FCHSD2: variants seen among roughly 807,000 people sequenced by gnomAD.
The protein encoded by FCHSD2 is F-BAR and double SH3 domains protein 2.
Under a neutral mutation model 108.1 loss-of-function variants are expected in FCHSD2, and 38 were observed. The ratio of observed to expected loss-of-function variants is 0.35; its 90% confidence interval spans 0.27 to 0.46. The LOEUF (loss-of-function observed/expected upper bound fraction) is 0.46. Among genes scored for constraint, FCHSD2 ranks in the 20% least tolerant of loss-of-function variants. The probability of loss-of-function intolerance (pLI) is 1.00; values close to 1 mark genes in which losing one functional copy is unlikely to be tolerated. For synonymous variants in FCHSD2, 279 were observed against 314.7 expected, an observed-to-expected ratio of 0.89 and a Z score of 1.20; for missense variants, 751 against 897.8, an observed-to-expected ratio of 0.84 and a Z score of 2.09.
intron 19 of FCHSD2, among the ~76,000 whole-genome samples, chr11:72,840,087 C>T (rs1363692755): frequency 6.6e-6 from 1 of 152,200 alleles, no homozygotes; most frequent in Non-Finnish European, 1.5e-5. Flanking sequence ...GATGCTGCTC[C>T]AGCCTCCTAA....
chr11:72,999,066 C>T (rs1202913816), intron 5 of FCHSD2, among the ~76,000 whole-genome samples: 1 of 152,186 alleles, frequency 6.6e-6, no homozygotes, highest in Non-Finnish European at 1.5e-5. Flanking sequence ...CTAATACCAT[C>T]ATTTGAACCC....
intron 8 of FCHSD2, chr11:72,941,062 C>G: frequency 1.5e-6 from 1 of 648,938 alleles, no homozygotes; most frequent in Non-Finnish European, 2.8e-6. Flanking sequence ...TGGTTCTTGC[C>G]GGGCAGCTTA....
intron 8 of FCHSD2, among the ~76,000 whole-genome samples, chr11:72,934,930 A>T (rs1158970674): frequency 1.3e-5 from 2 of 152,298 alleles, no homozygotes; most frequent in East Asian, 3.9e-4. Context: ...ATTTTTAAAC[A>T]ATTGAATTTG....
At chr11:72,849,939 G>T (rs762219752) in intron 13 of FCHSD2, 50 bp from the exon 14 acceptor site, 16 of 1,501,466 alleles carry the variant, frequency 1.1e-5, no homozygotes, top group Admixed American at 1.9e-5. Context: ...CAAGAAAATG[G>T]TTGAAAGCCG....
At chr11:73,071,100 TA>T (rs913554753) in intron 3 of FCHSD2, among the ~76,000 whole-genome samples, 3 of 152,190 alleles carry the variant, frequency 2.0e-5, no homozygotes, top group Non-Finnish European at 4.4e-5. Context: ...AAAGATGGTC[TA>T]CCAATTATTT....
In FCHSD2 at chr11:72,984,165, C is replaced by G; in HGVS notation, c.628G>C (p.Asp210His). Residue 210 changes from aspartate to histidine, a missense_variant, in exon 8 of 20, where the codon GAT becomes CAT. Asp to His is a moderately conservative substitution (Grantham distance 81). Transcript: ENST00000409418. ...CNSKATHARN[D>H]YLLTLAAANA... ...GCTGCCGCTAGGGTAAGAAGATAAT[C>G]ATTCCTTGCGTGGGTAGCTTTGGAA... 1 of 1,613,418 alleles carries G rather than the reference C, an allele frequency of 6.2e-7. No individual in the cohort carries two copies.
chr11:73,043,755 C>G (rs1316239192), intron 3 of FCHSD2, among the ~76,000 whole-genome samples: 2 of 152,160 alleles, frequency 1.3e-5, no homozygotes, highest in Admixed American at 1.3e-4. Context: ...GTGTTACATT[C>G]AGTTCTGATC....
intron 8 of FCHSD2, chr11:72,941,244 C>T (rs943912297): frequency 4.7e-6 from 1 of 211,152 alleles, no homozygotes; most frequent in Non-Finnish European, 9.5e-6. Context: ...ACTATGTGTC[C>T]CCAGTAAATG....
chr11:73,066,903 A>T (rs1407264153), intron 3 of FCHSD2, among the ~76,000 whole-genome samples: 1 of 152,192 alleles, frequency 6.6e-6, no homozygotes, highest in African/African-American at 2.4e-5. Context: ...AATTACTTCA[A>T]CCATTGTGGA....
chr11:72,855,764 G>T (rs1758842601), intron 13 of FCHSD2, among the ~76,000 whole-genome samples: 1 of 152,128 alleles, frequency 6.6e-6, no homozygotes, highest in Admixed American at 6.6e-5. Context: ...CTAGAGCACT[G>T]TCCGTGATAT....
Position 72,941,466 on chromosome 11 carries a change from T to C in FCHSD2, c.706-19516A>G, listed in dbSNP as rs529420680. On this transcript the variant is annotated intron_variant, in intron 8 of 19. Transcript: ENST00000409418. ...ATGTCAGTTTGCTTAGTATAAAATA[T>C]AGACTCCCAACTCTATTAATATATT... Among the ~76,000 whole-genome samples, 4 of 151,032 alleles carry C rather than the reference T, an allele frequency of 2.6e-5. No homozygotes were observed. In the East Asian group the frequency reaches 7.8e-4, roughly 29 times the overall value.
At chr11:72,845,868 T>C (rs1419551671) in intron 14 of FCHSD2, among the ~76,000 whole-genome samples, 2 of 152,196 alleles carry the variant, frequency 1.3e-5, no homozygotes, top group Non-Finnish European at 2.9e-5. Context: ...AGTTTTCTTT[T>C]TTCGTACTAG....
rs560499436 is a variant in FCHSD2 at position 72,894,828 on chromosome 11, T to A, written c.925-4883A>T. 3.0e-4 allele frequency among the ~76,000 whole-genome samples: 46 copies of A among 152,316 alleles called. No individual in the cohort carries two copies. In the South Asian group the frequency reaches 8.3e-3, roughly 27 times the overall value. On this transcript the variant is annotated intron_variant, in intron 10 of 19. Transcript: ENST00000409418. ...TAGTTTTTTCTTTCATATATACATA[T>A]ATGAATGAAAATATTCATATGTTTC...
intron 3 of FCHSD2, among the ~76,000 whole-genome samples, chr11:73,056,917 C>A (rs913478891): frequency 2.6e-5 from 4 of 151,934 alleles, no homozygotes; most frequent in African/African-American, 9.7e-5. Flanking sequence ...CCCATCTCTA[C>A]TAAAAATACA....
At chr11:72,888,145 G>T (rs1287071966) in intron 11 of FCHSD2, among the ~76,000 whole-genome samples, 2 of 152,186 alleles carry the variant, frequency 1.3e-5, no homozygotes, top group African/African-American at 4.8e-5. Context: ...AGGAATCTGA[G>T]AAACTGAATA....
chr11:72,880,124 C>T (rs923029277), intron 12 of FCHSD2, among the ~76,000 whole-genome samples: 1 of 151,382 alleles, frequency 6.6e-6, no homozygotes, highest in East Asian at 1.9e-4. Flanking sequence ...AAACCCCAAC[C>T]CCAGGAATAA....
intron 8 of FCHSD2, among the ~76,000 whole-genome samples, chr11:72,980,139 G>A (rs1303119804): frequency 6.6e-6 from 1 of 152,096 alleles, no homozygotes; most frequent in Non-Finnish European, 1.5e-5. Flanking sequence ...GGTTTCTATC[G>A]TCTCTGTAAA....
At chr11:73,135,253 G>T (rs574953197) in intron 2 of FCHSD2, among the ~76,000 whole-genome samples, 2 of 152,258 alleles carry the variant, frequency 1.3e-5, no homozygotes, top group African/African-American at 4.8e-5. Flanking sequence ...CAGATACAGG[G>T]GAGAGTACAG....
intron 12 of FCHSD2, among the ~76,000 whole-genome samples, chr11:72,883,015 G>T (rs1855120911): frequency 6.6e-6 from 1 of 152,182 alleles, no homozygotes; most frequent in Non-Finnish European, 1.5e-5. Flanking sequence ...ATACACATAT[G>T]ATTAGTTGTT....
Sources: allele counts gnomAD v4.1 joint callset (sites outside exome capture counted in the v4.1 genomes callset), GRCh38; gene constraint gnomAD v4.1.1; transcripts MANE v1.5; gene names NCBI Gene and HGNC (gene_info 2026-07-23, HGNC 2026-07-21).